The following ZNF462 variants were observed in gnomAD, a reference collection of about 807,000 sequenced individuals.
ZNF462 encodes the protein zinc finger PBX1-interacting protein.
A neutral mutation model predicts 201.9 loss-of-function variants in ZNF462; 10 were observed. The ratio of observed to expected loss-of-function variants is 0.05; its 90% CI spans 0.03 to 0.08. The LOEUF (loss-of-function observed/expected upper bound fraction) is 0.08, where lower values mean the gene tolerates loss of function less well. ZNF462 is among the 10% of genes least tolerant of loss of function. The probability of loss-of-function intolerance (pLI) is 1.00; values close to 1 mark genes in which losing one functional copy is unlikely to be tolerated. For missense variants in ZNF462, 2,523 were observed against 3,168.3 expected (o/e 0.80, Z 4.89); for synonymous variants, 1,227 against 1,193.3 (o/e 1.03, Z -0.58).
intron 10 of ZNF462, among the ~76,000 whole-genome samples, chr9:106,986,355 A>G (rs1407790354): frequency 1.3e-5 from 2 of 152,208 alleles, no homozygotes; most frequent in Admixed American, 6.5e-5. Flanking sequence ...GCATATTTCA[A>G]CAAATTACTT....
rs1166771319 is a variant in ZNF462 at position 106,930,979 on chromosome 9, C to T, written c.6012+290C>T. On this transcript the variant is annotated intron_variant, in intron 4 of 12. Coordinates refer to ENST00000277225, the MANE Select transcript of ZNF462 (RefSeq NM_021224.6). This position sits in a 1 kb window ranked among gnomAD's most constrained non-coding sequence, Gnocchi z 5.8. ...GGCTTCGGGTCGTCCTTCTATTCTG[C>T]GTTTAGTGCCATTAGCTCTTCGTTC... 6.9e-6 allele frequency: 2 copies of T among 290,548 alleles called. No individual in the cohort carries two copies. Among genetic ancestry groups the T allele is most frequent in the Admixed American group, 4.2e-5 (1 of 23,710 alleles). 18.0% of individuals were successfully genotyped at this position (290,548 alleles called of 1,614,324 possible). A position where few individuals can be genotyped will look rare whatever the true frequency, so the allele number is the denominator to read the frequency against.
Position 106,938,577 on chromosome 9 carries a change from A to C in ZNF462, c.6236-339A>C, listed in dbSNP as rs143949749. On this transcript the variant is annotated intron_variant, in intron 6 of 12. Coordinates refer to ENST00000277225, the MANE Select transcript of ZNF462 (RefSeq NM_021224.6). The surrounding 1 kb of genome is among the most constrained non-coding windows in gnomAD (Gnocchi z 4.4). ...TGACATGGTCATTTCTAGTGTAGAG[A>C]GGGAGGGAAAGGGATTGGAAATTTT... Among the ~76,000 whole-genome samples the C allele has an allele frequency of 6.6e-6, 1 of 152,228 alleles. No individual in the cohort carries two copies. The highest frequency in any genetic ancestry group is 2.4e-5 in the African/African-American group (1 of 41,544).
In ZNF462 at chr9:106,924,855, A is replaced by G; in HGVS notation, c.943A>G (p.Thr315Ala). The change falls in exon 3 of 13, where the codon ACT (threonine) becomes GCT (alanine). Residue 315 changes from threonine to alanine, a missense_variant. Physicochemically the swap from Thr to Ala is moderately conservative, Grantham distance 58. Around this residue, in one of 15 missense-constraint regions of ZNF462, gnomAD observed 480 missense variants for 544.4 expected, o/e 0.88. Coordinates refer to ENST00000277225, the MANE Select transcript of ZNF462 (RefSeq NM_021224.6). The surrounding 1 kb of genome is among the most constrained non-coding windows in gnomAD (Gnocchi z 6.2). ...MNAASREIPNTTVSNFRGSMG... is the reference protein window; with the variant it reads ...MNAASREIPNATVSNFRGSMG... ...TGCTGCAAGCCGGGAGATACCCAAT[A>G]CTACCGTCTCCAACTTCAGGGGCTC... is the stretch of plus-strand genomic sequence containing the variant. 3 of 1,614,138 alleles carry G rather than the reference A, an allele frequency of 1.9e-6. No individual in the cohort carries two copies. The highest frequency in any genetic ancestry group is 1.1e-5 in the South Asian group (1 of 91,066).
intron 1 of ZNF462, among the ~76,000 whole-genome samples, chr9:106,866,687 C>T (rs1418405611): frequency 6.6e-6 from 1 of 152,090 alleles, no homozygotes; most frequent in Non-Finnish European, 1.5e-5. Flanking sequence ...TCTTTTGATA[C>T]CATTACTTTT....
chr9:106,916,570 G>T (rs573719022), intron 1 of ZNF462, among the ~76,000 whole-genome samples: 32 of 151,692 alleles, frequency 2.1e-4, no homozygotes, highest in Non-Finnish European at 4.0e-4. Flanking sequence ...GTTTAGCTCT[G>T]GGGGGGGAGA....
chr9:106,967,568 A>G (rs1259994209), intron 7 of ZNF462, among the ~76,000 whole-genome samples: 1 of 152,114 alleles, frequency 6.6e-6, no homozygotes, highest in Non-Finnish European at 1.5e-5. Context: ...CATCCCATTT[A>G]GAATTCAGCC....
chr9:106,904,041 T>C (rs1346121647), intron 1 of ZNF462, among the ~76,000 whole-genome samples: 1 of 152,216 alleles, frequency 6.6e-6, no homozygotes, highest in African/African-American at 2.4e-5. Flanking sequence ...GTGTGATTTA[T>C]GTTTTAAAGA....
chr9:106,889,878 A>G (rs536250578), intron 1 of ZNF462, among the ~76,000 whole-genome samples: 1 of 152,316 alleles, frequency 6.6e-6, no homozygotes, highest in East Asian at 1.9e-4. Flanking sequence ...AACTCCCCCA[A>G]ATAAAGCTAT....
rs1829746048 is a variant in ZNF462, at chr9:107,008,859, G to A, written c.7190-686G>A. The stretch of plus-strand genomic sequence containing the variant: ...TATTCATGAATACCACCAATTGAGG[G>A]GTAGGTGCCAGGCAGCTGGCCAGGA... On this transcript the variant is annotated intron_variant, in intron 11 of 12. Coordinates refer to ENST00000277225, the MANE Select transcript of ZNF462 (RefSeq NM_021224.6). This position sits in a 1 kb window ranked among gnomAD's most constrained non-coding sequence, Gnocchi z 4.8. Among the ~76,000 whole-genome samples, 1 of 152,170 alleles carries A rather than the reference G, an allele frequency of 6.6e-6. No individual in the cohort carries two copies.
intron 8 of ZNF462, among the ~76,000 whole-genome samples, chr9:106,973,083 A>G (rs936588579): frequency 1.1e-4 from 16 of 152,214 alleles, no homozygotes; most frequent in African/African-American, 3.4e-4. Flanking sequence ...TGAGCAATAA[A>G]TGAACCAGTG....
At position 106,974,709 on chromosome 9, in the gene ZNF462, C is replaced by G. The variant is rs565588791; in HGVS notation, c.6832+436C>G. On this transcript the variant is annotated intron_variant, in intron 9 of 12. Transcript: ENST00000277225. This position sits in a 1 kb window ranked among gnomAD's most constrained non-coding sequence, Gnocchi z 4.0. ...ATTTCCAAAGCAGAACATGGAACTT[C>G]CCTTGAAATGGTTGAAGGGAGAGAG... is the stretch of plus-strand genomic sequence containing the variant. 6 of 230,870 alleles carry G rather than the reference C, an allele frequency of 2.6e-5. No homozygotes were observed. The South Asian group carries it at 4.2e-4, about 16-fold the overall frequency. The allele number at this position is 230,870 out of a possible 1,614,324, so 14.3% of individuals were successfully genotyped here. A position where few individuals can be genotyped will look rare whatever the true frequency, so the allele number is the denominator to read the frequency against.
intron 1 of ZNF462, among the ~76,000 whole-genome samples, chr9:106,879,332 A>ACCCC (rs796290122): frequency 1.3e-3 from 94 of 70,672 alleles, no homozygotes; most frequent in Non-Finnish European, 1.5e-3. Flanking sequence ...GATGCTTTCC[A>ACCCC]CCCCCCCCCC....
rs1426328372 is a variant in ZNF462 at position 106,895,805 on chromosome 9, C to CT, written c.-30-27544dup. On this transcript the variant is annotated intron_variant, in intron 1 of 12. Transcript: ENST00000277225. This position sits in a 1 kb window ranked among gnomAD's most constrained non-coding sequence, Gnocchi z 4.4. ...AAACTTGGAACTCCTGTAATGCCAT[C>CT]TTTTTGGGGGTGGGAATATGTATTG... 2.0e-5 allele frequency among the ~76,000 whole-genome samples: 3 copies of CT among 152,238 alleles called. No homozygotes were observed. Among genetic ancestry groups the CT allele is most frequent in the African/African-American group, 7.2e-5 (3 of 41,530 alleles).
chr9:107,002,832 T>C (rs189921670), intron 10 of ZNF462, among the ~76,000 whole-genome samples: 69 of 152,306 alleles, frequency 4.5e-4, no homozygotes, highest in African/African-American at 1.6e-3. Flanking sequence ...CCCTGGTTGA[T>C]GGGATCGTGG....
chr9:106,980,836 A>T (rs1253472784), intron 9 of ZNF462, among the ~76,000 whole-genome samples: 1 of 152,148 alleles, frequency 6.6e-6, no homozygotes, highest in Non-Finnish European at 1.5e-5. Flanking sequence ...GGTAATTTTG[A>T]GAGGTGTGAA....
chr9:106,934,747 A>T (rs1830560383), intron 5 of ZNF462, among the ~76,000 whole-genome samples: 1 of 152,150 alleles, frequency 6.6e-6, no homozygotes, highest in Non-Finnish European at 1.5e-5. Flanking sequence ...ACAAATTAGA[A>T]CTTCCCACAC....
chr9:106,877,515 G>A (rs1313541022), intron 1 of ZNF462, among the ~76,000 whole-genome samples: 3 of 151,512 alleles, frequency 2.0e-5, no homozygotes, highest in East Asian at 3.9e-4. Flanking sequence ...TCAGCCTCCC[G>A]AGTAGCTGGG....
At chr9:106,965,646 G>A (rs1271728697) in intron 7 of ZNF462, among the ~76,000 whole-genome samples, 2 of 152,032 alleles carry the variant, frequency 1.3e-5, no homozygotes, top group South Asian at 2.1e-4. Context: ...CATTCAGAAC[G>A]CAGAAGGAGA....
At chr9:106,909,568 A>C (rs1829455721) in intron 1 of ZNF462, among the ~76,000 whole-genome samples, 1 of 152,174 alleles carries the variant, frequency 6.6e-6, no homozygotes. Flanking sequence ...TGCTGATTAG[A>C]AAATCATTTT....
Sources: allele counts gnomAD v4.1 joint callset (sites outside exome capture counted in the v4.1 genomes callset), GRCh38; gene constraint gnomAD v4.1.1; regional missense constraint gnomAD v4.1.1; non-coding constraint Gnocchi (gnomAD v3.1); transcripts MANE v1.5; gene names NCBI Gene and HGNC (gene_info 2026-07-23, HGNC 2026-07-21).